Variants in CARS2 observed in about 807,000 individuals in gnomAD.
CARS2 encodes the protein cysteinyl-tRNA synthetase 2, mitochondrial.
In CARS2, 52 loss-of-function variants were observed where a neutral mutation model predicts 68.8. The observed-to-expected ratio is 0.76, with a 90% CI of 0.61 to 0.95. The LOEUF is 0.95. Among genes scored for constraint, CARS2 ranks in the 40% least tolerant of loss-of-function variants. The pLI, the probability that CARS2 is intolerant of heterozygous loss-of-function variation, is 0.00. For missense variants in CARS2, 780 were observed against 754.2 expected, an observed-to-expected ratio of 1.03 and a Z score of -0.40; for synonymous variants, 314 against 303.6, an observed-to-expected ratio of 1.03 and a Z score of -0.36.
chr13:110,691,760 TG>T (rs2139878335), intron 3 of CARS2, among the ~76,000 whole-genome samples: 1 of 152,154 alleles, frequency 6.6e-6, no homozygotes, highest in Non-Finnish European at 1.5e-5. Context: ...ATGCGTGCTT[TG>T]TACAGGTGTT....
intron 3 of CARS2, among the ~76,000 whole-genome samples, chr13:110,700,435 C>G (rs544403013): frequency 1.3e-5 from 2 of 152,146 alleles, no homozygotes; most frequent in African/African-American, 4.8e-5. Context: ...TGAAGGCACG[C>G]GTGGCGTGTG....
chr13:110,699,972 C>T (rs188307117), intron 3 of CARS2, among the ~76,000 whole-genome samples: 182 of 152,282 alleles, frequency 1.2e-3, no homozygotes, highest in African/African-American at 4.2e-3. Context: ...TCAGCCTGCA[C>T]GGGAAAGAGA....
At chr13:110,700,923 CGATA>C (rs1370333997) in intron 3 of CARS2, among the ~76,000 whole-genome samples, 1 of 152,202 alleles carries the variant, frequency 6.6e-6, no homozygotes, top group Non-Finnish European at 1.5e-5. Context: ...GATCACAATA[CGATA>C]GATGTTAACT....
chr13:110,701,492 G>T lies in CARS2; in HGVS notation c.339C>A (p.Val113=). Residue 113 remains valine, a synonymous_variant, in exon 3 of 15, where the codon GTC becomes GTA. Transcript: ENST00000257347. ...CTACATCTGTAATACCCATCACCAT[G>T]ACTATGCTGCATCCAAAAACCTTGG... The part of the protein sequence containing the change: ...ILTKVFGCSI[V]MVMGITDVDD... The T allele has an allele frequency of 6.3e-7, 1 of 1,597,046 alleles. No homozygotes were observed. The highest frequency in any genetic ancestry group is 1.7e-4 in the Middle Eastern group (1 of 6,028).
chr13:110,709,401 C>A (rs2064009026), upstream of CARS2, among the ~76,000 whole-genome samples: 1 of 152,094 alleles, frequency 6.6e-6, no homozygotes, highest in Admixed American at 6.6e-5. Context: ...GCAGCTAATT[C>A]TGTTTTCTTA....
intron 11 of CARS2, 147 bp from the exon 12 acceptor site, chr13:110,646,237 G>A (rs2139680294): frequency 3.4e-6 from 3 of 874,978 alleles, no homozygotes; most frequent in East Asian, 2.8e-5. Context: ...TTGAGTTCCT[G>A]AGTAGCAGAA....
chr13:110,686,738 A>G (rs564600084), intron 5 of CARS2, among the ~76,000 whole-genome samples: 55 of 150,020 alleles, frequency 3.7e-4, no homozygotes, highest in Admixed American at 7.3e-4. Flanking sequence ...TTGTCATCTT[A>G]GTAGAAAGAA....
intron 9 of CARS2, among the ~76,000 whole-genome samples, chr13:110,659,761 C>A (rs2062456341): frequency 1.3e-5 from 2 of 152,106 alleles, no homozygotes; most frequent in Admixed American, 6.5e-5. Flanking sequence ...ATCATATGAG[C>A]CTTCAGTGAG....
At position 110,665,792 on chromosome 13, in the gene CARS2, A is replaced by T. The variant is rs1282104405; in HGVS notation, c.919+1548T>A. 2.0e-6 allele frequency: 2 copies of T among 985,292 alleles called. No individual in the cohort carries two copies. The highest frequency in any genetic ancestry group is 2.4e-6 in the Non-Finnish European group (2 of 829,936). 61.0% of individuals were successfully genotyped at this position (985,292 alleles called of 1,614,324 possible). A position where few individuals can be genotyped will look rare whatever the true frequency, so the allele number is the denominator to read the frequency against. On this transcript the variant is annotated intron_variant, in intron 8 of 14. Coordinates refer to ENST00000257347, the MANE Select transcript of CARS2 (RefSeq NM_024537.4). The surrounding 1 kb of genome is among the most constrained non-coding windows in gnomAD (Gnocchi z 4.3). Reference sequence around the variant, plus strand: ...GCCTCATCTATTTACTTTCATGAAGAAACCCAAGTGAACCCTGCTGCGGAC... The same window carrying T: ...GCCTCATCTATTTACTTTCATGAAGTAACCCAAGTGAACCCTGCTGCGGAC...
chr13:110,703,327 C>T (rs1283991941), intron 2 of CARS2, among the ~76,000 whole-genome samples: 1 of 152,096 alleles, frequency 6.6e-6, no homozygotes, highest in Non-Finnish European at 1.5e-5. Context: ...TGAAGGAGTA[C>T]AATGCTAGGA....
At chr13:110,695,211 GGTGAGGCTGTA>G (rs1416155352) in intron 3 of CARS2, among the ~76,000 whole-genome samples, 1 of 152,072 alleles carries the variant, frequency 6.6e-6, no homozygotes, top group Non-Finnish European at 1.5e-5. Flanking sequence ...AGCCTGGGAG[GGTGAGGCTGTA>G]GTGAGCCGTG....
chr13:110,712,246 AAG>A (rs1324081253), intron 1 of CARS2: 1 of 153,316 alleles, frequency 6.5e-6, no homozygotes, highest in Non-Finnish European at 1.5e-5. Context: ...CTCTCCGGAA[AAG>A]AGAAAGTCCA....
chr13:110,712,968 C>G (rs2064051181), intron 1 of CARS2: 5 of 1,560,160 alleles, frequency 3.2e-6, no homozygotes, highest in Non-Finnish European at 4.3e-6. Context: ...GTGGTCCGGC[C>G]GCGGAATGGG....
intron 5 of CARS2, among the ~76,000 whole-genome samples, chr13:110,683,687 C>A (rs1305013164): frequency 6.6e-6 from 1 of 152,184 alleles, no homozygotes. Flanking sequence ...TTTCTTTGCC[C>A]AGTCATCTTC....
At position 110,705,436 on chromosome 13, in the gene CARS2, A is replaced by G. The variant is rs148422353; in HGVS notation, c.275+85T>C. The G allele has an allele frequency of 2.6e-4, 239 of 928,876 alleles. No homozygotes were observed. The highest frequency in any genetic ancestry group is 3.8e-4 in the Non-Finnish European group (226 of 601,476). 57.5% of individuals were successfully genotyped at this position (928,876 alleles called of 1,614,324 possible). On this transcript the variant is annotated intron_variant, in intron 2 of 14. Coordinates refer to ENST00000257347, the MANE Select transcript of CARS2 (RefSeq NM_024537.4). The surrounding 1 kb of genome is among the most constrained non-coding windows in gnomAD (Gnocchi z 4.0). ...AATTATTCTGCATCCCTAAGTTGCCACTTAAGAGATAAAAGAAATCAGCAA... is the reference window on the plus strand; with the variant it reads ...AATTATTCTGCATCCCTAAGTTGCCGCTTAAGAGATAAAAGAAATCAGCAA...
intron 9 of CARS2, among the ~76,000 whole-genome samples, chr13:110,659,840 T>C (rs1486610468): frequency 2.6e-5 from 4 of 152,226 alleles, no homozygotes; most frequent in Non-Finnish European, 5.9e-5. Flanking sequence ...TAGTGGTTGA[T>C]GAAGGCTGAG....
chr13:110,672,468 G>A (rs2062828810), intron 7 of CARS2, among the ~76,000 whole-genome samples: 1 of 152,132 alleles, frequency 6.6e-6, no homozygotes, highest in Non-Finnish European at 1.5e-5. Flanking sequence ...AATGACTACT[G>A]GGTACATAAT....
Position 110,665,153 on chromosome 13 carries a change from A to G in CARS2, c.920-1635T>C. The G allele has an allele frequency of 1.0e-6, 1 of 985,416 alleles. No homozygotes were observed. The highest frequency in any genetic ancestry group is 1.1e-4 in the East Asian group (1 of 8,814). The allele number at this position is 985,416 out of a possible 1,614,324, so 61.0% of individuals were successfully genotyped here. A position where few individuals can be genotyped will look rare whatever the true frequency, so the allele number is the denominator to read the frequency against. On this transcript the variant is annotated intron_variant, in intron 8 of 14. Coordinates refer to ENST00000257347, the MANE Select transcript of CARS2 (RefSeq NM_024537.4). This position sits in a 1 kb window ranked among gnomAD's most constrained non-coding sequence, Gnocchi z 4.3. ...AGTAAAAAATCACTGAAAAATAGCC[A>G]CAAAACTTTCCCACCACGTGCAGTG...
chr13:110,668,536 C>T lies in CARS2; in HGVS notation c.786-1063G>A, dbSNP rs1422378624. Among the ~76,000 whole-genome samples the T allele has an allele frequency of 2.1e-4, 20 of 97,376 alleles. No homozygotes were observed. In the East Asian group the frequency reaches 6.4e-3, roughly 31 times the overall value. 63.9% of individuals were successfully genotyped at this position (97,376 alleles called of 152,430 possible). A position where few individuals can be genotyped will look rare whatever the true frequency, so the allele number is the denominator to read the frequency against. ...CAGCCTGGGTGACAGAGCGAGACTCCGTCTCAAAAAAAAAAAAAGATTTTT... is the reference window on the plus strand; with the variant it reads ...CAGCCTGGGTGACAGAGCGAGACTCTGTCTCAAAAAAAAAAAAAGATTTTT... On this transcript the variant is annotated intron_variant, in intron 7 of 14. Coordinates refer to ENST00000257347, the MANE Select transcript of CARS2 (RefSeq NM_024537.4). This position sits in a 1 kb window ranked among gnomAD's most constrained non-coding sequence, Gnocchi z 4.1.
Sources: gnomAD v4.1 joint callset for allele counts (sites outside exome capture counted in the v4.1 genomes callset) on GRCh38, gnomAD v4.1.1 for gene constraint, Gnocchi (gnomAD v3.1) non-coding constraint, MANE v1.5 for transcripts, NCBI Gene and HGNC (gene_info 2026-07-23, HGNC 2026-07-21) for gene names.